Variants in PPFIA1 observed in about 807,000 individuals in gnomAD.
PPFIA1 encodes PPFI scaffold protein A1, also known as liprin-alpha-1.
A neutral mutation model predicts 149.9 loss-of-function variants in PPFIA1; 25 were observed. That is an observed-to-expected ratio of 0.17 (90% CI 0.12 to 0.23). PPFIA1 has a LOEUF of 0.23. Among genes scored for constraint, PPFIA1 ranks in the 10% least tolerant of loss-of-function variants. The pLI, the probability that PPFIA1 is intolerant of heterozygous loss-of-function variation, is 1.00. For missense variants in PPFIA1, 1,362 were observed against 1,506.5 expected, an observed-to-expected ratio of 0.90 and a Z score of 1.59; for synonymous variants, 549 against 552.8, an observed-to-expected ratio of 0.99 and a Z score of 0.10.
chr11:70,296,283 G>A (rs1181742758), intron 2 of PPFIA1, among the ~76,000 whole-genome samples: 6 of 152,016 alleles, frequency 3.9e-5, no homozygotes, highest in South Asian at 2.1e-4. Flanking sequence ...ACGGGGTGGC[G>A]GCCGGGCAGA....
At position 70,270,765 on chromosome 11, in the gene PPFIA1, C is replaced by T. The variant is rs1452353968; in HGVS notation, c.-150C>T. On this transcript the variant is annotated 5_prime_UTR_variant, in exon 1 of 28. Coordinates refer to ENST00000253925, the MANE Select transcript of PPFIA1 (RefSeq NM_003626.5). Reference sequence around the variant, plus strand: ...TCCGGCCGCGGGCCGGCCTTAGTGACTGGGGCGGCGGGCCCCGGGGCCGCG... The same window carrying T: ...TCCGGCCGCGGGCCGGCCTTAGTGATTGGGGCGGCGGGCCCCGGGGCCGCG... 1 of 150,626 alleles carries T rather than the reference C, an allele frequency of 6.6e-6. No homozygotes were observed. Among genetic ancestry groups the T allele is most frequent in the African/African-American group, 2.4e-5 (1 of 41,344 alleles). 9.3% of individuals were successfully genotyped at this position (150,626 alleles called of 1,614,324 possible).
intron 17 of PPFIA1, among the ~76,000 whole-genome samples, chr11:70,354,818 G>A (rs2056268072): frequency 6.6e-6 from 1 of 152,046 alleles, no homozygotes; most frequent in Admixed American, 6.5e-5. Flanking sequence ...AGGACAACCC[G>A]TGCCTTTCTT....
intron 2 of PPFIA1, among the ~76,000 whole-genome samples, chr11:70,285,300 G>C (rs1342649832): frequency 6.6e-6 from 1 of 152,098 alleles, no homozygotes; most frequent in Admixed American, 6.6e-5. Flanking sequence ...ATGAGCTGGG[G>C]ATGGAGGGAA....
intron 21 of PPFIA1, chr11:70,365,238 G>A: frequency 2.8e-6 from 1 of 357,490 alleles, no homozygotes. Flanking sequence ...ACGGGCATCT[G>A]AACTGAAAAG....
intron 2 of PPFIA1, among the ~76,000 whole-genome samples, chr11:70,276,405 C>T (rs2050383983): frequency 6.6e-6 from 1 of 151,908 alleles, no homozygotes; most frequent in South Asian, 2.1e-4. Flanking sequence ...GATGTATTCT[C>T]CTTTTACTGG....
At chr11:70,375,369 G>A (rs1381909216) in intron 24 of PPFIA1, 1 of 276,454 alleles carries the variant, frequency 3.6e-6, no homozygotes, top group African/African-American at 2.2e-5. Flanking sequence ...TACATGGAAA[G>A]AGAAGTGTTT....
chr11:70,376,853 C>A (rs1217155327), intron 25 of PPFIA1, among the ~76,000 whole-genome samples: 1 of 152,124 alleles, frequency 6.6e-6, no homozygotes, highest in Non-Finnish European at 1.5e-5. Context: ...GGGCGGATCA[C>A]CAGAGGTCAG....
chr11:70,356,734 C>T (rs1168675264), intron 19 of PPFIA1, among the ~76,000 whole-genome samples: 1 of 152,328 alleles, frequency 6.6e-6, no homozygotes, highest in South Asian at 2.1e-4. Context: ...GCCAGTGCAG[C>T]GACTGTTGCT....
chr11:70,333,860 T>C (rs1197467038), intron 10 of PPFIA1, among the ~76,000 whole-genome samples: 1 of 152,180 alleles, frequency 6.6e-6, no homozygotes, highest in African/African-American at 2.4e-5. Context: ...TCTAGGTAGC[T>C]GTGGTACCGG....
intron 10 of PPFIA1, 71 bp downstream of exon 10, chr11:70,333,624 T>C: frequency 8.2e-7 from 1 of 1,223,886 alleles, no homozygotes; most frequent in South Asian, 1.3e-5. Flanking sequence ...TGTGGGGAGC[T>C]CAGGGCCTCC....
intron 2 of PPFIA1, among the ~76,000 whole-genome samples, chr11:70,287,145 G>A (rs1280555565): frequency 2.0e-5 from 3 of 151,262 alleles, no homozygotes; most frequent in African/African-American, 7.3e-5. Flanking sequence ...GAGCCACCAC[G>A]CCGGGCCAAG....
chr11:70,379,964 C>T (rs2057642552), intron 26 of PPFIA1, among the ~76,000 whole-genome samples: 1 of 152,228 alleles, frequency 6.6e-6, no homozygotes, highest in African/African-American at 2.4e-5. Context: ...AGAACTGTGA[C>T]TTGGCCTTCA....
chr11:70,347,393 G>C (rs1385609794), intron 15 of PPFIA1, among the ~76,000 whole-genome samples: 1 of 152,172 alleles, frequency 6.6e-6, no homozygotes, highest in Non-Finnish European at 1.5e-5. Context: ...GTTGTTGTAA[G>C]ATGTAGTATA....
At chr11:70,346,233 C>T (rs571305211) in intron 15 of PPFIA1, among the ~76,000 whole-genome samples, 2 of 152,240 alleles carry the variant, frequency 1.3e-5, no homozygotes, top group African/African-American at 2.4e-5. Flanking sequence ...CCTGGCCTGA[C>T]GTGCTGCTTG....
intron 2 of PPFIA1, among the ~76,000 whole-genome samples, chr11:70,293,158 C>T (rs755043675): frequency 1.3e-5 from 2 of 152,218 alleles, no homozygotes; most frequent in African/African-American, 4.8e-5. Context: ...ATTTCCTAAA[C>T]GGGATCTTTT....
intron 6 of PPFIA1, 91 bp from the exon 7 acceptor site, chr11:70,326,506 T>G: frequency 7.7e-7 from 1 of 1,304,140 alleles, no homozygotes; most frequent in Admixed American, 2.0e-5. Context: ...ATTGCATAAG[T>G]CAGTTTTGAT....
At chr11:70,361,958 G>T (rs1024377197) in intron 19 of PPFIA1, 137 bp from the exon 20 acceptor site, 2 of 718,060 alleles carry the variant, frequency 2.8e-6, no homozygotes, top group Non-Finnish European at 4.7e-6. Context: ...TTGGGGTCTC[G>T]CTGTGTTGTC....
chr11:70,318,746 A>G lies in PPFIA1; in HGVS notation c.265-5656A>G, dbSNP rs2053774163. ...GATCTCCATTCCAGCAAGTCCGACC[A>G]ACAAGCATCAGTCAGCTCATTTGAT... On this transcript the variant is annotated intron_variant, in intron 2 of 27. Transcript: ENST00000253925. Among the ~76,000 whole-genome samples the G allele has an allele frequency of 1.3e-5, 2 of 152,270 alleles. 1 individual carries two copies. The highest frequency in any genetic ancestry group is 4.1e-4 in the South Asian group (2 of 4,838).
chr11:70,337,136 C>T (rs901307210), intron 11 of PPFIA1, among the ~76,000 whole-genome samples: 1 of 152,182 alleles, frequency 6.6e-6, no homozygotes, highest in Non-Finnish European at 1.5e-5. Flanking sequence ...ACTTGACATA[C>T]CTACCTTTAG....
Sources: allele counts gnomAD v4.1 joint callset (sites outside exome capture counted in the v4.1 genomes callset), GRCh38; gene constraint gnomAD v4.1.1; transcripts MANE v1.5; gene names NCBI Gene and HGNC (gene_info 2026-07-23, HGNC 2026-07-21).